The following TOX variants were observed in gnomAD, a reference collection of about 807,000 sequenced individuals.
TOX encodes the protein thymocyte selection-associated high mobility group box protein TOX.
Under a neutral mutation model 53.7 loss-of-function variants are expected in TOX, and 11 were observed. That is an observed-to-expected ratio of 0.20 (90% CI 0.13 to 0.34). The LOEUF (loss-of-function observed/expected upper bound fraction) is 0.34, where lower values mean the gene tolerates loss of function less well. TOX is among the 10% of genes least tolerant of loss of function. TOX has a pLI of 1.00. For missense variants in TOX, 570 were observed against 664.6 expected, an observed-to-expected ratio of 0.86 and a Z score of 1.56; for synonymous variants, 225 against 245.3, an observed-to-expected ratio of 0.92 and a Z score of 0.77.
At chr8:59,110,309 T>C (rs953264039) in intron 1 of TOX, among the ~76,000 whole-genome samples, 1 of 152,202 alleles carries the variant, frequency 6.6e-6, no homozygotes, top group Admixed American at 6.5e-5. Flanking sequence ...CTCTTTATTA[T>C]TAACATTTCT....
intron 1 of TOX, among the ~76,000 whole-genome samples, chr8:59,075,437 T>C (rs1263382127): frequency 6.6e-6 from 1 of 152,050 alleles, no homozygotes; most frequent in African/African-American, 2.4e-5. Flanking sequence ...CGCCAAGAGA[T>C]CGAGTGAGCA....
At chr8:58,854,306 G>A (rs1335074761) in intron 3 of TOX, among the ~76,000 whole-genome samples, 2 of 152,148 alleles carry the variant, frequency 1.3e-5, no homozygotes, top group Non-Finnish European at 2.9e-5. Context: ...AAATCTTGTG[G>A]TTTTAATATA....
intron 6 of TOX, among the ~76,000 whole-genome samples, chr8:58,822,559 T>G (rs1179491392): frequency 5.9e-5 from 9 of 152,216 alleles, no homozygotes; most frequent in African/African-American, 2.2e-4. Flanking sequence ...CCAGCTGGAA[T>G]AGCATGGCAG....
intron 1 of TOX, among the ~76,000 whole-genome samples, chr8:59,017,319 TTTTC>T (rs1213759415): frequency 2.6e-5 from 4 of 152,228 alleles, no homozygotes; most frequent in African/African-American, 9.6e-5. Flanking sequence ...TTTGATTTCT[TTTTC>T]TTTATTTTTT....
At chr8:59,097,501 A>G (rs1018996186) in intron 1 of TOX, among the ~76,000 whole-genome samples, 2 of 152,230 alleles carry the variant, frequency 1.3e-5, no homozygotes, top group African/African-American at 2.4e-5. Context: ...CATTTTGCAG[A>G]TGGGAAAACT....
chr8:59,085,414 G>A (rs1394537330), intron 1 of TOX, among the ~76,000 whole-genome samples: 1 of 151,720 alleles, frequency 6.6e-6, no homozygotes, highest in Non-Finnish European at 1.5e-5. Context: ...TTTAAGACAG[G>A]GTCTTACTCT....
At chr8:58,930,661 A>G (rs1812241545) in intron 3 of TOX, among the ~76,000 whole-genome samples, 1 of 152,190 alleles carries the variant, frequency 6.6e-6, no homozygotes, top group Non-Finnish European at 1.5e-5. Context: ...AGGACCACCC[A>G]CAAGAAGCCC....
intron 3 of TOX, among the ~76,000 whole-genome samples, chr8:58,873,610 T>C (rs1376589875): frequency 6.6e-6 from 1 of 152,228 alleles, no homozygotes; most frequent in East Asian, 1.9e-4. Context: ...TAGAAAGAAG[T>C]TGTCTGTATA....
chr8:58,871,946 G>A (rs367819518), intron 3 of TOX, among the ~76,000 whole-genome samples: 1 of 152,088 alleles, frequency 6.6e-6, no homozygotes, highest in Non-Finnish European at 1.5e-5. Context: ...CAGTAGCAAT[G>A]AGCATACCTA....
At chr8:58,915,001 A>G (rs1811983344) in intron 3 of TOX, among the ~76,000 whole-genome samples, 1 of 151,288 alleles carries the variant, frequency 6.6e-6, no homozygotes, top group Admixed American at 6.6e-5. Context: ...GACCGGCTTA[A>G]AAAACGGCGC....
rs2129163478 is a variant in TOX at position 58,807,746 on chromosome 8, C to T, written c.*1G>A. 1 of 1,614,076 alleles carries T rather than the reference C, an allele frequency of 6.2e-7. No individual in the cohort carries two copies. The highest frequency in any genetic ancestry group is 2.2e-5 in the East Asian group (1 of 44,876). ...AGTGGAAAGAAGAGGTGTTCAGATT[C>T]TCAAGTAAGGTACAGTGCTTTGTCC... On this transcript the variant is annotated 3_prime_UTR_variant, in exon 9 of 9. Transcript: ENST00000361421.
chr8:59,078,710 A>G (rs914274236), intron 1 of TOX, among the ~76,000 whole-genome samples: 2 of 152,242 alleles, frequency 1.3e-5, no homozygotes, highest in Non-Finnish European at 2.9e-5. Context: ...GGGCTTTGCT[A>G]TAAAGATACC....
chr8:58,814,849 G>C (rs1226891867), intron 7 of TOX, among the ~76,000 whole-genome samples: 1 of 152,152 alleles, frequency 6.6e-6, no homozygotes, highest in Non-Finnish European at 1.5e-5. Flanking sequence ...AGGACTTTCA[G>C]GGTTCTACCA....
rs1299618228 is a variant in TOX at position 58,808,286 on chromosome 8, G to A, written c.1393-17C>T. 9.4e-6 allele frequency: 15 copies of A among 1,592,340 alleles called. No individual in the cohort carries two copies. The highest frequency in any genetic ancestry group is 1.2e-5 in the Non-Finnish European group (14 of 1,171,672). On this transcript the variant is annotated splice_polypyrimidine_tract_variant and intron_variant, in intron 7 of 8. Coordinates refer to ENST00000361421, the MANE Select transcript of TOX (RefSeq NM_014729.3). The stretch of plus-strand genomic sequence containing the variant: ...AGTAAATCCCTGAAAGGGAAAGCAA[G>A]TCCGCAAATAAGGATCAAAATGCAT...
intron 5 of TOX, among the ~76,000 whole-genome samples, chr8:58,831,754 A>G (rs1465880528): frequency 1.3e-5 from 2 of 152,178 alleles, no homozygotes; most frequent in Non-Finnish European, 2.9e-5. Flanking sequence ...TGAAATATTT[A>G]TTGAGCATCT....
intron 1 of TOX, among the ~76,000 whole-genome samples, chr8:58,985,574 A>G (rs80257801): frequency 0.029 from 4,489 of 152,292 alleles, 201 homozygotes; most frequent in African/African-American, 0.097. Flanking sequence ...GATTGGTTAC[A>G]CAACAGTGTG....
intron 3 of TOX, among the ~76,000 whole-genome samples, chr8:58,909,133 C>A (rs528011557): frequency 1.3e-5 from 2 of 152,092 alleles, no homozygotes; most frequent in Non-Finnish European, 2.9e-5. Flanking sequence ...ATCTTTGGGC[C>A]CCACCCTGAA....
At chr8:59,012,060 C>G (rs1287391189) in intron 1 of TOX, among the ~76,000 whole-genome samples, 1 of 152,096 alleles carries the variant, frequency 6.6e-6, no homozygotes, top group Non-Finnish European at 1.5e-5. Flanking sequence ...GGCATTGCAT[C>G]CTCCTTCTCC....
At chr8:58,915,490 T>C (rs2129174394) in intron 3 of TOX, among the ~76,000 whole-genome samples, 1 of 116,028 alleles carries the variant, frequency 8.6e-6, no homozygotes, top group East Asian at 2.4e-4. Flanking sequence ...CAGCTGAGGG[T>C]CCTGTCTGTT....
Sources: gnomAD v4.1 joint callset for allele counts (sites outside exome capture counted in the v4.1 genomes callset) on GRCh38, gnomAD v4.1.1 for gene constraint, MANE v1.5 for transcripts, NCBI Gene and HGNC (gene_info 2026-07-23, HGNC 2026-07-21) for gene names.